NALF1: variants seen among roughly 807,000 people sequenced by gnomAD.
NALF1 encodes the protein NALCN channel auxiliary factor 1.
In NALF1, 3 loss-of-function variants were observed where a neutral mutation model predicts 48.4. That is an observed-to-expected ratio of 0.06 (90% confidence interval 0.03 to 0.16). NALF1 has a LOEUF of 0.16. Among genes scored for constraint, NALF1 ranks in the 10% least tolerant of loss-of-function variants. NALF1 has a pLI of 1.00. For synonymous variants in NALF1, 262 were observed against 245.7 expected (o/e 1.07, Z -0.62); for missense variants, 526 against 571.5 (o/e 0.92, Z 0.81).
intron 1 of NALF1, among the ~76,000 whole-genome samples, chr13:107,715,442 T>A (rs1481019828): frequency 6.6e-6 from 1 of 152,160 alleles, no homozygotes; most frequent in Admixed American, 6.6e-5. Flanking sequence ...CCTCAGGTGA[T>A]CTGCCCACCT....
At chr13:107,356,703 G>T (rs1882969345) in intron 1 of NALF1, among the ~76,000 whole-genome samples, 1 of 152,152 alleles carries the variant, frequency 6.6e-6, no homozygotes, top group African/African-American at 2.4e-5. Context: ...GTAGTAACTG[G>T]ATTAGTAGTT....
chr13:107,518,926 G>C (rs767782957), intron 1 of NALF1, among the ~76,000 whole-genome samples: 6 of 152,174 alleles, frequency 3.9e-5, no homozygotes, highest in Non-Finnish European at 7.3e-5. Context: ...GAACCATGAG[G>C]CCACAGTGAT....
intron 1 of NALF1, among the ~76,000 whole-genome samples, chr13:107,682,073 A>G (rs1256393115): frequency 1.3e-5 from 2 of 152,114 alleles, no homozygotes; most frequent in Non-Finnish European, 2.9e-5. Context: ...ATATTAAAAC[A>G]CAATTGCTGG....
intron 1 of NALF1, among the ~76,000 whole-genome samples, chr13:107,595,836 G>A (rs1415544753): frequency 6.6e-6 from 1 of 152,090 alleles, no homozygotes; most frequent in Non-Finnish European, 1.5e-5. Context: ...CTCAATAGAT[G>A]ATCATGTGAT....
chr13:107,645,127 C>G (rs1403020207), intron 1 of NALF1, among the ~76,000 whole-genome samples: 3 of 151,940 alleles, frequency 2.0e-5, no homozygotes, highest in Non-Finnish European at 4.4e-5. Flanking sequence ...CATTAATGTA[C>G]CTAGGAGTCA....
intron 1 of NALF1, among the ~76,000 whole-genome samples, chr13:107,428,369 T>C (rs374226917): frequency 2.6e-5 from 4 of 152,304 alleles, no homozygotes; most frequent in African/African-American, 9.6e-5. Flanking sequence ...GACCCAGCAT[T>C]TGGGAGCTTT....
intron 1 of NALF1, among the ~76,000 whole-genome samples, chr13:107,324,680 G>A (rs1268257845): frequency 6.6e-6 from 1 of 152,172 alleles, no homozygotes; most frequent in Admixed American, 6.5e-5. Flanking sequence ...GTGTGCCTGT[G>A]TGTGTGCACA....
At chr13:107,614,516 G>A (rs2138435444) in intron 1 of NALF1, among the ~76,000 whole-genome samples, 1 of 152,222 alleles carries the variant, frequency 6.6e-6, no homozygotes, top group Non-Finnish European at 1.5e-5. Context: ...AATACAATAA[G>A]GCTGATATGA....
At chr13:107,717,026 G>T (rs1161623409) in intron 1 of NALF1, among the ~76,000 whole-genome samples, 1 of 152,102 alleles carries the variant, frequency 6.6e-6, no homozygotes, top group Non-Finnish European at 1.5e-5. Context: ...GCTAACACCT[G>T]CTCCAGTGTG....
chr13:107,441,677 C>T (rs932870651), intron 1 of NALF1, among the ~76,000 whole-genome samples: 2 of 152,114 alleles, frequency 1.3e-5, no homozygotes, highest in Non-Finnish European at 2.9e-5. Context: ...GAATGGTTAA[C>T]AGGAAGTTAC....
At chr13:107,720,425 C>G (rs556919896) in intron 1 of NALF1, among the ~76,000 whole-genome samples, 1 of 138,902 alleles carries the variant, frequency 7.2e-6, no homozygotes, top group Non-Finnish European at 1.5e-5. Context: ...GCAAGAGAAT[C>G]GCTTGAACCC....
At chr13:107,279,713 A>G (rs947931890) in intron 1 of NALF1, among the ~76,000 whole-genome samples, 1 of 152,148 alleles carries the variant, frequency 6.6e-6, no homozygotes, top group Non-Finnish European at 1.5e-5. Context: ...TCTTAAACAC[A>G]TGCTGCCCTC....
At chr13:107,234,577 G>T (rs1245156865) in intron 1 of NALF1, among the ~76,000 whole-genome samples, 1 of 152,116 alleles carries the variant, frequency 6.6e-6, no homozygotes, top group Non-Finnish European at 1.5e-5. Context: ...ACTGGGTCAT[G>T]TGAAAAAGAA....
intron 1 of NALF1, among the ~76,000 whole-genome samples, chr13:107,823,594 A>T (rs9514743): frequency 0.63 from 96,375 of 151,838 alleles, 32,817 homozygotes; most frequent in East Asian, 0.99. Context: ...CTCCGCTCCC[A>T]CTCCAGAAGG....
At chr13:107,851,411 C>T (rs1227953852) in intron 1 of NALF1, among the ~76,000 whole-genome samples, 1 of 151,646 alleles carries the variant, frequency 6.6e-6, no homozygotes, top group Non-Finnish European at 1.5e-5. Flanking sequence ...GGAGTGATCA[C>T]ATCACTGTTT....
At chr13:107,690,818 GA>G (rs1329572460) in intron 1 of NALF1, among the ~76,000 whole-genome samples, 1 of 152,190 alleles carries the variant, frequency 6.6e-6, no homozygotes, top group Non-Finnish European at 1.5e-5. Context: ...CGCTCGTGCA[GA>G]GTTTCTAACA....
intron 1 of NALF1, among the ~76,000 whole-genome samples, chr13:107,495,484 T>C (rs1566365663): frequency 6.6e-6 from 1 of 152,302 alleles, no homozygotes. Context: ...AGTACACATA[T>C]GAATGTTCAC....
At chr13:107,556,328 T>TAC (rs1308769383) in intron 1 of NALF1, among the ~76,000 whole-genome samples, 4 of 148,362 alleles carry the variant, frequency 2.7e-5, no homozygotes, top group African/African-American at 9.9e-5. Flanking sequence ...CATATATATA[T>TAC]ATACACACAC....
Position 107,380,999 on chromosome 13 carries a change from TACATA to T in NALF1, c.916-170249_916-170245del, listed in dbSNP as rs1594146047. On this transcript the variant is annotated intron_variant, in intron 1 of 2. Coordinates refer to ENST00000375915, the MANE Select transcript of NALF1 (RefSeq NM_001080396.3). Reference sequence around the variant, plus strand: ...TCTCAAAAAAAAAAAAAAAAAAGAATACATACATTTTAGTAGAACTGGTTTATTTT... The same window carrying T: ...TCTCAAAAAAAAAAAAAAAAAAGAATCATTTTAGTAGAACTGGTTTATTTT... 9.6e-5 allele frequency among the ~76,000 whole-genome samples: 14 copies of T among 145,988 alleles called. No homozygotes were observed. In the East Asian group the frequency reaches 2.2e-3, roughly 23 times the overall value.
Sources: allele counts gnomAD v4.1 joint callset (sites outside exome capture counted in the v4.1 genomes callset), GRCh38; gene constraint gnomAD v4.1.1; transcripts MANE v1.5; gene names NCBI Gene and HGNC (gene_info 2026-07-23, HGNC 2026-07-21).